The following NUAK1 variants were observed in gnomAD, a reference collection of about 807,000 sequenced individuals.
The protein encoded by NUAK1 is NUAK family SNF1-like kinase 1.
Under a neutral mutation model 56.9 loss-of-function variants are expected in NUAK1, and 26 were observed. That is an observed-to-expected ratio of 0.46 (90% confidence interval 0.33 to 0.63). NUAK1 has a LOEUF of 0.63. NUAK1 is among the 30% of genes least tolerant of loss of function. NUAK1 has a pLI of 0.02. For synonymous variants in NUAK1, 337 were observed against 336.0 expected, an observed-to-expected ratio of 1.00 and a Z score of -0.03; for missense variants, 727 against 876.1, an observed-to-expected ratio of 0.83 and a Z score of 2.15.
In NUAK1 at chr12:106,129,231, G is replaced by C. The variant is rs569890468; in HGVS notation, c.240+9183C>G. Among the ~76,000 whole-genome samples the C allele has an allele frequency of 3.3e-5, 5 of 152,356 alleles. No individual in the cohort carries two copies. In the East Asian group the frequency reaches 9.6e-4, roughly 29 times the overall value. On this transcript the variant is annotated intron_variant, in intron 1 of 6. Coordinates refer to ENST00000261402, the MANE Select transcript of NUAK1 (RefSeq NM_014840.3). The stretch of plus-strand genomic sequence containing the variant: ...GCAATGCTGTGCATACAATGCTAAG[G>C]GGAAGCGTGACCCAGAGAAGGAGGA...
Position 106,114,159 on chromosome 12 carries a change from T to A in NUAK1, c.241-7634A>T, listed in dbSNP as rs1053608811. Among the ~76,000 whole-genome samples the A allele has an allele frequency of 4.6e-5, 7 of 152,348 alleles. No individual in the cohort carries two copies. The East Asian group carries it at 1.3e-3, about 29-fold the overall frequency. ...CCAGAGGGCTGAGGTTGCTTACAAC[T>A]TGGACAGCCTCAACTGGTAGCATCT... is the stretch of plus-strand genomic sequence containing the variant. On this transcript the variant is annotated intron_variant, in intron 1 of 6. Coordinates refer to ENST00000261402, the MANE Select transcript of NUAK1 (RefSeq NM_014840.3).
At chr12:106,131,250 T>C (rs1048629052) in intron 1 of NUAK1, among the ~76,000 whole-genome samples, 4 of 151,674 alleles carry the variant, frequency 2.6e-5, no homozygotes. Flanking sequence ...AATTCAGGGG[T>C]TTTTAGTATA....
At position 106,067,992 on chromosome 12, in the gene NUAK1, T is replaced by A; in HGVS notation, c.833-37A>T. On this transcript the variant is annotated intron_variant, in intron 6 of 6. Coordinates refer to ENST00000261402, the MANE Select transcript of NUAK1 (RefSeq NM_014840.3). The surrounding 1 kb of genome is among the most constrained non-coding windows in gnomAD (Gnocchi z 6.0). The stretch of plus-strand genomic sequence containing the variant: ...GGGACAAAAAGAATCGGGCATTATG[T>A]GGGAGCTTCTGGCTTTGTGATAGTG... The A allele has an allele frequency of 6.4e-7, 1 of 1,557,046 alleles. No individual in the cohort carries two copies.
At position 106,082,252 on chromosome 12, in the gene NUAK1, G is replaced by A. The variant is rs1020512284; in HGVS notation, c.579+1612C>T. Among the ~76,000 whole-genome samples the A allele has an allele frequency of 2.0e-5, 3 of 152,214 alleles. No individual in the cohort carries two copies. In the East Asian group the frequency reaches 5.8e-4, roughly 29 times the overall value. On this transcript the variant is annotated intron_variant, in intron 4 of 6. Coordinates refer to ENST00000261402, the MANE Select transcript of NUAK1 (RefSeq NM_014840.3). ...CAGGAACTGGCAACTCTTGACAGATGAGGAAACTAAAGCCTAAATCATCAA... is the reference window on the plus strand; with the variant it reads ...CAGGAACTGGCAACTCTTGACAGATAAGGAAACTAAAGCCTAAATCATCAA...
chr12:106,067,887 C>T lies in NUAK1; in HGVS notation c.901G>A (p.Ala301Thr). Residue 301 changes from alanine (A) to threonine (T), a missense_variant, in exon 7 of 7, where the codon GCC (alanine) becomes ACC (threonine). By Grantham distance (58) the Ala-to-Thr change is moderately conservative (BLOSUM62 0). Transcript: ENST00000261402. This position sits in a 1 kb window ranked among gnomAD's most constrained non-coding sequence, Gnocchi z 6.0. Reference protein sequence around the residue: ...PDRRATIEDIANHWWVNWGYK... With the variant: ...PDRRATIEDITNHWWVNWGYK... ...CCCCAGTTCACCCACCAGTGGTTGGCAATGTCCTCAATAGTGGCCCGGCGA... is the reference window on the plus strand; with the variant it reads ...CCCCAGTTCACCCACCAGTGGTTGGTAATGTCCTCAATAGTGGCCCGGCGA... The T allele has an allele frequency of 6.2e-7, 1 of 1,614,184 alleles. No homozygotes were observed. Among genetic ancestry groups the T allele is most frequent in the Non-Finnish European group, 8.5e-7 (1 of 1,180,016 alleles).
Position 106,118,853 on chromosome 12 carries a change from G to A in NUAK1, c.241-12328C>T, listed in dbSNP as rs550886783. Reference sequence around the variant, plus strand: ...TGGAGCAGACATCTGAAGCCAGCCCGGCTCTAATGTGAGCATCCCATCTGC... The same window carrying A: ...TGGAGCAGACATCTGAAGCCAGCCCAGCTCTAATGTGAGCATCCCATCTGC... On this transcript the variant is annotated intron_variant, in intron 1 of 6. Transcript: ENST00000261402. 6.6e-5 allele frequency among the ~76,000 whole-genome samples: 10 copies of A among 152,330 alleles called. No individual in the cohort carries two copies. In the South Asian group the frequency reaches 1.0e-3, roughly 16 times the overall value.
chr12:106,084,083 C>A, intron 3 of NUAK1, 154 bp from the exon 4 acceptor site: 1 of 651,700 alleles, frequency 1.5e-6, no homozygotes, highest in South Asian at 1.9e-5. Flanking sequence ...TCAGGCTGCT[C>A]TCACTGTCTT....
At chr12:106,095,281 G>A (rs547932611) in intron 2 of NUAK1, among the ~76,000 whole-genome samples, 41 of 152,326 alleles carry the variant, frequency 2.7e-4, no homozygotes, top group Non-Finnish European at 4.7e-4. Context: ...ACTTGATGCC[G>A]TGAACTTCTG....
chr12:106,089,253 CAA>C (rs1285409017), intron 2 of NUAK1, among the ~76,000 whole-genome samples: 1 of 152,224 alleles, frequency 6.6e-6, no homozygotes, highest in Non-Finnish European at 1.5e-5. Flanking sequence ...ACTCACACCC[CAA>C]AGAGTCTGGC....
At chr12:106,088,578 G>A (rs1028246005) in intron 2 of NUAK1, among the ~76,000 whole-genome samples, 1 of 152,210 alleles carries the variant, frequency 6.6e-6, no homozygotes, top group African/African-American at 2.4e-5. Context: ...TTCTAGGGAT[G>A]TTGCTTGCCC....
intron 1 of NUAK1, among the ~76,000 whole-genome samples, chr12:106,129,582 C>T (rs2033057072): frequency 6.6e-6 from 1 of 152,136 alleles, no homozygotes; most frequent in East Asian, 1.9e-4. Context: ...ATGCATGAGC[C>T]TTGAAGGACA....
intron 1 of NUAK1, among the ~76,000 whole-genome samples, chr12:106,116,108 A>G (rs1592860209): frequency 2.6e-5 from 4 of 152,312 alleles, no homozygotes; most frequent in Admixed American, 2.6e-4. Context: ...TTTCTGTTTT[A>G]TGCACCACGG....
chr12:106,085,137 C>T (rs2032558404), intron 3 of NUAK1, among the ~76,000 whole-genome samples: 1 of 152,218 alleles, frequency 6.6e-6, no homozygotes, highest in African/African-American at 2.4e-5. Flanking sequence ...TAATTTTAAA[C>T]ATCAGGAGCA....
At chr12:106,115,132 C>A (rs1478761168) in intron 1 of NUAK1, among the ~76,000 whole-genome samples, 1 of 152,148 alleles carries the variant, frequency 6.6e-6, no homozygotes, top group Non-Finnish European at 1.5e-5. Context: ...GAATCACTAA[C>A]CTTGGGGACA....
chr12:106,073,081 A>C (rs3741886), intron 4 of NUAK1, among the ~76,000 whole-genome samples: 18,995 of 152,202 alleles, frequency 0.12, 1,810 homozygotes, highest in East Asian at 0.5. Flanking sequence ...AAATCTGCAG[A>C]CTACAAGCTC....
intron 1 of NUAK1, among the ~76,000 whole-genome samples, chr12:106,130,999 C>T (rs1185054848): frequency 6.6e-6 from 1 of 152,206 alleles, no homozygotes; most frequent in African/African-American, 2.4e-5. Context: ...CATACAGACA[C>T]AGGCAGCCTG....
intron 6 of NUAK1, among the ~76,000 whole-genome samples, chr12:106,069,263 A>G (rs531925468): frequency 6.6e-6 from 1 of 152,278 alleles, no homozygotes; most frequent in East Asian, 1.9e-4. Context: ...CCCAACACAC[A>G]TATGTATTCA....
chr12:106,126,915 C>A (rs1228804841), intron 1 of NUAK1, among the ~76,000 whole-genome samples: 2 of 152,170 alleles, frequency 1.3e-5, no homozygotes, highest in African/African-American at 2.4e-5. Context: ...AAGCAAAGCC[C>A]CTTTAAAGTC....
At chr12:106,086,358 T>A (rs2032570402) in intron 3 of NUAK1, among the ~76,000 whole-genome samples, 1 of 152,150 alleles carries the variant, frequency 6.6e-6, no homozygotes, top group Non-Finnish European at 1.5e-5. Context: ...GTCATTGGTG[T>A]CTCCATTTTG....
Sources: gnomAD v4.1 joint callset for allele counts (sites outside exome capture counted in the v4.1 genomes callset) on GRCh38, gnomAD v4.1.1 for gene constraint, Gnocchi (gnomAD v3.1) non-coding constraint, MANE v1.5 for transcripts, NCBI Gene and HGNC (gene_info 2026-07-23, HGNC 2026-07-21) for gene names.